The following TMEM33 variants were observed in gnomAD, a reference collection of about 807,000 sequenced individuals.
TMEM33 encodes transmembrane protein 33.
In TMEM33, 16 loss-of-function variants were observed where a neutral mutation model predicts 29.7. That is an observed-to-expected ratio of 0.54 (90% CI 0.36 to 0.82). The LOEUF (loss-of-function observed/expected upper bound fraction) is 0.82, where lower values mean the gene tolerates loss of function less well. Ranked by LOEUF, TMEM33 falls within the 40% of genes least tolerant of loss-of-function variation. TMEM33 has a pLI of 0.00. For synonymous variants in TMEM33, 112 were observed against 109.4 expected, an observed-to-expected ratio of 1.02 and a Z score of -0.15; for missense variants, 252 against 295.3, an observed-to-expected ratio of 0.85 and a Z score of 1.08.
intron 6 of TMEM33, among the ~76,000 whole-genome samples, chr4:41,953,440 G>A (rs1713129450): frequency 1.3e-5 from 2 of 152,168 alleles, no homozygotes; most frequent in Non-Finnish European, 2.9e-5. Context: ...TCATTCATCC[G>A]TTCACAGAAA....
chr4:41,943,832 TTGTC>T lies in TMEM33; in HGVS notation c.396+21_396+24del, dbSNP rs1343598642. The T allele has an allele frequency of 5.6e-6, 9 of 1,608,788 alleles. No homozygotes were observed. Among genetic ancestry groups the T allele is most frequent in the African/African-American group, 1.3e-5 (1 of 74,898 alleles). ...TCCTTGACGTAAGTAAAACTGCTCT[TTGTC>T]TGACTTCTGAATTACAGATCATTGA... On this transcript the variant is annotated intron_variant, in intron 4 of 6. Coordinates refer to ENST00000504986, the MANE Select transcript of TMEM33 (RefSeq NM_018126.3).
At chr4:41,944,446 A>G (rs989109109) in intron 4 of TMEM33, among the ~76,000 whole-genome samples, 2 of 152,168 alleles carry the variant, frequency 1.3e-5, no homozygotes, top group Non-Finnish European at 2.9e-5. Flanking sequence ...AACATTAGCT[A>G]AGAAAGGAGT....
chr4:41,959,575 C>T lies in TMEM33; in HGVS notation c.*5376C>T, dbSNP rs919640623. Reference sequence around the variant, plus strand: ...CATGTTACCTAGCCTTCTGAAGCTACTCACTTGATGTGCCTAGCACTTTGA... The same window carrying T: ...CATGTTACCTAGCCTTCTGAAGCTATTCACTTGATGTGCCTAGCACTTTGA... On this transcript the variant is annotated 3_prime_UTR_variant, in exon 7 of 7. Coordinates refer to ENST00000504986, the MANE Select transcript of TMEM33 (RefSeq NM_018126.3). The T allele has an allele frequency of 1.3e-5, 2 of 152,170 alleles. No individual in the cohort carries two copies. Among genetic ancestry groups the T allele is most frequent in the African/African-American group, 2.4e-5 (1 of 41,448 alleles). The allele number at this position is 152,170 out of a possible 1,614,324, so 9.4% of individuals were successfully genotyped here.
intron 6 of TMEM33, among the ~76,000 whole-genome samples, chr4:41,952,062 T>G (rs1713064183): frequency 6.6e-6 from 1 of 152,028 alleles, no homozygotes; most frequent in South Asian, 2.1e-4. Flanking sequence ...ATTAGAGTAG[T>G]CTAGAGCCTG....
In TMEM33 at chr4:41,954,497, C is replaced by A; in HGVS notation, c.*298C>A. 1 of 181,156 alleles carries A rather than the reference C, an allele frequency of 5.5e-6. No individual in the cohort carries two copies. The highest frequency in any genetic ancestry group is 1.2e-5 in the Non-Finnish European group (1 of 86,896). 11.2% of individuals were successfully genotyped at this position (181,156 alleles called of 1,614,324 possible). On this transcript the variant is annotated 3_prime_UTR_variant, in exon 7 of 7. Coordinates refer to ENST00000504986, the MANE Select transcript of TMEM33 (RefSeq NM_018126.3). ...CCTATATCATGAAGTACATTAATTT[C>A]TCATGTAAAAAAAATAGCTCTAAAA...
chr4:41,944,456 TCA>T (rs1712689959), intron 4 of TMEM33, among the ~76,000 whole-genome samples: 1 of 152,124 alleles, frequency 6.6e-6, no homozygotes. Flanking sequence ...AAGAAAGGAG[TCA>T]CAGATATTTT....
At position 41,956,334 on chromosome 4, in the gene TMEM33, T is replaced by A. The variant is rs1648313877; in HGVS notation, c.*2135T>A. 1 of 152,106 alleles carries A rather than the reference T, an allele frequency of 6.6e-6. No individual in the cohort carries two copies. The highest frequency in any genetic ancestry group is 1.5e-5 in the Non-Finnish European group (1 of 68,026). 9.4% of individuals were successfully genotyped at this position (152,106 alleles called of 1,614,324 possible). A position where few individuals can be genotyped will look rare whatever the true frequency, so the allele number is the denominator to read the frequency against. On this transcript the variant is annotated 3_prime_UTR_variant, in exon 7 of 7. Coordinates refer to ENST00000504986, the MANE Select transcript of TMEM33 (RefSeq NM_018126.3). ...TTCTTTTGCATACCCTTTACTCAGG[T>A]CCTCTCATGTTAACGTTTTACATAA...
At chr4:41,944,515 AACC>A (rs904562695) in intron 4 of TMEM33, among the ~76,000 whole-genome samples, 2 of 152,204 alleles carry the variant, frequency 1.3e-5, no homozygotes, top group African/African-American at 4.8e-5. Context: ...AGAGAGAAAT[AACC>A]ACTATTTTTT....
chr4:41,938,656 A>G lies in TMEM33; in HGVS notation c.100A>G (p.Thr34Ala). 6.2e-7 allele frequency: 1 copy of G among 1,614,132 alleles called. No homozygotes were observed. The highest frequency in any genetic ancestry group is 1.3e-5 in the African/African-American group (1 of 75,056). The part of the protein sequence containing the change: ...DTAMWLSRLF[T>A]VYCSALFVLP... ...GGCAATGTGGCTTTCTCGCTTGTTC[A>G]CAGTTTACTGCTCTGCTCTGTTTGT... The change falls in exon 2 of 7, where the codon ACA becomes GCA. Residue 34 changes from threonine to alanine, a missense_variant. Transcript: ENST00000504986.
At chr4:41,938,050 G>A (rs935163660) in intron 1 of TMEM33, among the ~76,000 whole-genome samples, 8 of 152,190 alleles carry the variant, frequency 5.3e-5, no homozygotes, top group Non-Finnish European at 1.2e-4. Context: ...ATTACAAGGC[G>A]AATGAGTTTA....
At chr4:41,939,727 G>C (rs371667285) in intron 3 of TMEM33, 36 of 459,852 alleles carry the variant, frequency 7.8e-5, no homozygotes, top group African/African-American at 6.6e-4. Context: ...AAAGTGTCCA[G>C]ATGTCTTGCT....
chr4:41,941,994 G>T (rs1297052926), intron 3 of TMEM33, among the ~76,000 whole-genome samples: 1 of 152,156 alleles, frequency 6.6e-6, no homozygotes, highest in African/African-American at 2.4e-5. Flanking sequence ...TTCTAGCTTT[G>T]ATCTCTGCAT....
chr4:41,949,304 G>C lies in TMEM33; in HGVS notation c.533G>C (p.Gly178Ala). 2 of 1,605,566 alleles carry C rather than the reference G, an allele frequency of 1.2e-6. No individual in the cohort carries two copies. The highest frequency in any genetic ancestry group is 4.5e-5 in the East Asian group (2 of 44,552). Residue 178 changes from glycine to alanine, a missense_variant and splice_region_variant, in exon 6 of 7, where the codon GGT (glycine) becomes GCT (alanine). Coordinates refer to ENST00000504986, the MANE Select transcript of TMEM33 (RefSeq NM_018126.3). ...MPATVFMLFS[G>A]QGSLLQPFIY... is the part of the protein sequence containing the mutation. ...ACGCTTGTATTTGTTTATTTCAGTG[G>C]TCAAGGAAGTTTGCTCCAACCTTTT...
At chr4:41,945,369 T>G (rs1712738120) in intron 5 of TMEM33, among the ~76,000 whole-genome samples, 1 of 152,202 alleles carries the variant, frequency 6.6e-6, no homozygotes. Context: ...AGTATGAACA[T>G]TAAAATAGTA....
At chr4:41,952,710 C>T (rs371005150) in intron 6 of TMEM33, among the ~76,000 whole-genome samples, 8 of 152,020 alleles carry the variant, frequency 5.3e-5, no homozygotes, top group African/African-American at 1.7e-4. Context: ...GGTGTGACAC[C>T]GAGTACTTGG....
chr4:41,954,071 A>T lies in TMEM33; in HGVS notation c.616A>T (p.Thr206Ser). The change falls in exon 7 of 7, where the codon ACC (threonine) becomes TCC (serine). Residue 206 changes from threonine (T) to serine (S), a missense_variant and splice_region_variant. Thr to Ser is a moderately conservative substitution (Grantham distance 58, BLOSUM62 1). Coordinates refer to ENST00000504986, the MANE Select transcript of TMEM33 (RefSeq NM_018126.3). The stretch of plus-strand genomic sequence containing the variant: ...AAAGAAAACTATTTTGTCTTGCAGG[A>T]CCTTATTTAATGAACTGAGGATTGT... ...YSSRRNPYCR[T>S]LFNELRIVVE... 6.2e-7 allele frequency: 1 copy of T among 1,613,472 alleles called. No individual in the cohort carries two copies. Among genetic ancestry groups the T allele is most frequent in the Non-Finnish European group, 8.5e-7 (1 of 1,179,584 alleles).
rs1713328233 is a variant in TMEM33 at position 41,957,758 on chromosome 4, C to G, written c.*3559C>G. Reference sequence around the variant, plus strand: ...TCCTTAGAATCTGACAGTCTCAAAGCTGTCACACAAATTAGACTAATTTTG... The same window carrying G: ...TCCTTAGAATCTGACAGTCTCAAAGGTGTCACACAAATTAGACTAATTTTG... On this transcript the variant is annotated 3_prime_UTR_variant, in exon 7 of 7. Transcript: ENST00000504986. 1 of 152,128 alleles carries G rather than the reference C, an allele frequency of 6.6e-6. No individual in the cohort carries two copies. Among genetic ancestry groups the G allele is most frequent in the African/African-American group, 2.4e-5 (1 of 41,428 alleles). 9.4% of individuals were successfully genotyped at this position (152,128 alleles called of 1,614,324 possible). A position where few individuals can be genotyped will look rare whatever the true frequency, so the allele number is the denominator to read the frequency against.
intron 6 of TMEM33, 122 bp from the exon 7 acceptor site, chr4:41,953,948 C>T (rs929005961): frequency 4.1e-5 from 48 of 1,177,752 alleles, no homozygotes; most frequent in African/African-American, 2.6e-4. Flanking sequence ...TTGCTGTATG[C>T]GGTGTTGCAA....
At chr4:41,935,164 C>A, upstream of TMEM33, 1 of 465,652 alleles carries the variant, frequency 2.1e-6, no homozygotes, top group South Asian at 2.3e-5. Context: ...TAACCTGGAG[C>A]CGGCGGCGTA....
Sources: gnomAD v4.1 joint callset for allele counts (sites outside exome capture counted in the v4.1 genomes callset) on GRCh38, gnomAD v4.1.1 for gene constraint, MANE v1.5 for transcripts, NCBI Gene and HGNC (gene_info 2026-07-23, HGNC 2026-07-21) for gene names.